Variants in CLHC1 observed in about 807,000 individuals in gnomAD.
CLHC1 encodes clathrin heavy chain linker domain-containing protein 1.
A neutral mutation model predicts 69.5 loss-of-function variants in CLHC1; 72 were observed. That is an observed-to-expected ratio of 1.04 (90% confidence interval 0.86 to 1.26). CLHC1 has a LOEUF of 1.26. CLHC1 is among the 50% of genes most tolerant of loss of function. CLHC1 has a pLI of 0.00. For missense variants in CLHC1, 790 were observed against 679.3 expected (o/e 1.16, Z -1.81); for synonymous variants, 223 against 224.3 (o/e 0.99, Z 0.05).
At chr2:55,207,919 A>G (rs971024103) in intron 8 of CLHC1, among the ~76,000 whole-genome samples, 1 of 152,216 alleles carries the variant, frequency 6.6e-6, no homozygotes, top group Non-Finnish European at 1.5e-5. Flanking sequence ...GATGAAAGTA[A>G]TGTTTGATAA....
intron 3 of CLHC1, among the ~76,000 whole-genome samples, chr2:55,220,653 A>G (rs1174397936): frequency 1.3e-5 from 2 of 152,188 alleles, no homozygotes; most frequent in African/African-American, 4.8e-5. Context: ...CACTATAACT[A>G]TATTAATGTA....
chr2:55,176,510 G>A (rs1349758514), intron 12 of CLHC1, among the ~76,000 whole-genome samples: 2 of 152,046 alleles, frequency 1.3e-5, no homozygotes, highest in African/African-American at 4.8e-5. Context: ...TAATGATGGG[G>A]CTTCTATAAC....
At chr2:55,221,180 C>T (rs867844123) in intron 3 of CLHC1, among the ~76,000 whole-genome samples, 1 of 152,098 alleles carries the variant, frequency 6.6e-6, no homozygotes, top group Non-Finnish European at 1.5e-5. Context: ...CAGAGACCAA[C>T]AGTTTACTGA....
Position 55,180,716 on chromosome 2 carries a change from G to C in CLHC1, c.1182-4C>G, listed in dbSNP as rs757415401. The C allele has an allele frequency of 6.2e-7, 1 of 1,612,368 alleles. No homozygotes were observed. The highest frequency in any genetic ancestry group is 8.5e-7 in the Non-Finnish European group (1 of 1,178,542). On this transcript the variant is annotated splice_polypyrimidine_tract_variant and splice_region_variant and intron_variant, in intron 10 of 12. Transcript: ENST00000401408. Reference sequence around the variant, plus strand: ...AGCCTCCTCAGAAAATGTCAGTCTAGAACAAGCAGATCAATAAGACATATG... The same window carrying C: ...AGCCTCCTCAGAAAATGTCAGTCTACAACAAGCAGATCAATAAGACATATG...
chr2:55,227,640 T>G (rs1674836363), intron 2 of CLHC1, among the ~76,000 whole-genome samples: 1 of 143,258 alleles, frequency 7.0e-6, no homozygotes, highest in South Asian at 2.2e-4. Flanking sequence ...ATTGAGCCAC[T>G]GCACTCCAGC....
intron 9 of CLHC1, among the ~76,000 whole-genome samples, chr2:55,188,495 C>A (rs577353862): frequency 6.6e-6 from 1 of 152,136 alleles, no homozygotes; most frequent in Non-Finnish European, 1.5e-5. Flanking sequence ...CATACGTTAC[C>A]ATTGGGAATA....
intron 2 of CLHC1, among the ~76,000 whole-genome samples, chr2:55,227,766 G>A (rs1293249107): frequency 6.6e-6 from 1 of 151,932 alleles, no homozygotes; most frequent in East Asian, 1.9e-4. Flanking sequence ...TTGGACACCA[G>A]TGGCTTCCTA....
chr2:55,177,812 A>G, intron 11 of CLHC1, 31 bp from the exon 12 acceptor site: 1 of 1,492,662 alleles, frequency 6.7e-7, no homozygotes, highest in East Asian at 2.3e-5. Flanking sequence ...GTTTATCTCA[A>G]TGTCCTAATA....
chr2:55,224,386 G>T, intron 2 of CLHC1: 1 of 440,914 alleles, frequency 2.3e-6, no homozygotes. Flanking sequence ...CCGACACCCA[G>T]TGGATGGTCC....
chr2:55,224,519 G>A, intron 2 of CLHC1: 1 of 314,534 alleles, frequency 3.2e-6, no homozygotes, highest in Non-Finnish European at 6.6e-6. Context: ...GAGTGATCCT[G>A]GAGTCTGAGA....
intron 9 of CLHC1, among the ~76,000 whole-genome samples, chr2:55,193,433 T>C (rs1259436333): frequency 6.6e-6 from 1 of 151,968 alleles, no homozygotes; most frequent in Non-Finnish European, 1.5e-5. Flanking sequence ...TAAGGAACTC[T>C]TAAAACTCAA....
At chr2:55,215,554 T>A (rs1214173332) in intron 4 of CLHC1, among the ~76,000 whole-genome samples, 1 of 152,214 alleles carries the variant, frequency 6.6e-6, no homozygotes, top group African/African-American at 2.4e-5. Flanking sequence ...CCATCAATGA[T>A]CAGCTGAGTA....
intron 1 of CLHC1, among the ~76,000 whole-genome samples, chr2:55,230,293 T>C (rs1675163106): frequency 2.0e-5 from 3 of 152,162 alleles, no homozygotes; most frequent in African/African-American, 2.4e-5. Context: ...AGATGTGGGA[T>C]ATAAAAGAAC....
intron 1 of CLHC1, among the ~76,000 whole-genome samples, chr2:55,231,428 T>C (rs529889413): frequency 6.6e-6 from 1 of 152,252 alleles, no homozygotes; most frequent in Admixed American, 6.5e-5. Context: ...TCTAAGAAAT[T>C]TGAATTGTAT....
intron 3 of CLHC1, among the ~76,000 whole-genome samples, chr2:55,220,815 C>A (rs190309338): frequency 6.6e-6 from 1 of 152,136 alleles, no homozygotes; most frequent in Non-Finnish European, 1.5e-5. Context: ...CTATTCAATA[C>A]CTTACCTTTA....
At chr2:55,224,028 C>A (rs1241215898) in intron 2 of CLHC1, 1 of 155,148 alleles carries the variant, frequency 6.4e-6, no homozygotes, top group East Asian at 1.9e-4. Flanking sequence ...AACTCCTGAC[C>A]TCGTGATCCA....
At chr2:55,200,238 A>AAC (rs1360712101) in intron 9 of CLHC1, among the ~76,000 whole-genome samples, 2 of 140,342 alleles carry the variant, frequency 1.4e-5, no homozygotes, top group Admixed American at 7.4e-5. Flanking sequence ...AAAAAAAAAA[A>AAC]AAAAAAACAG....
chr2:55,175,649 T>C lies in CLHC1; in HGVS notation c.*141A>G. ...AATATTTCAAAGACAAATCTAAATG[T>C]CATCATAACAAAAGTGTGATTTATT... On this transcript the variant is annotated 3_prime_UTR_variant, in exon 13 of 13. Coordinates refer to ENST00000401408, the MANE Select transcript of CLHC1 (RefSeq NM_152385.4). 1 of 590,632 alleles carries C rather than the reference T, an allele frequency of 1.7e-6. No individual in the cohort carries two copies. Among genetic ancestry groups the C allele is most frequent in the East Asian group, 2.8e-5 (1 of 36,122 alleles). 36.6% of individuals were successfully genotyped at this position (590,632 alleles called of 1,614,324 possible).
chr2:55,201,685 T>C (rs915667708), intron 9 of CLHC1, among the ~76,000 whole-genome samples: 2 of 152,130 alleles, frequency 1.3e-5, no homozygotes, highest in African/African-American at 2.4e-5. Context: ...ATTACCCTGA[T>C]ACCAAAACCA....
Sources: gnomAD v4.1 joint callset for allele counts (sites outside exome capture counted in the v4.1 genomes callset) on GRCh38, gnomAD v4.1.1 for gene constraint, MANE v1.5 for transcripts, NCBI Gene and HGNC (gene_info 2026-07-23, HGNC 2026-07-21) for gene names.